The following MAEA variants were observed in gnomAD, a reference collection of about 807,000 sequenced individuals.
MAEA encodes E3 ubiquitin-protein transferase MAEA.
MAEA carries 22 observed loss-of-function variants against 46.2 expected under a neutral mutation model. The observed-to-expected ratio is 0.48, with a 90% CI of 0.34 to 0.68. The LOEUF (loss-of-function observed/expected upper bound fraction) is 0.68, where lower values mean the gene tolerates loss of function less well. Among genes scored for constraint, MAEA ranks in the 30% least tolerant of loss-of-function variants. The pLI, the probability that MAEA is intolerant of heterozygous loss-of-function variation, is 0.01. For missense variants in MAEA, 393 were observed against 558.1 expected (o/e 0.70, Z 2.98); for synonymous variants, 246 against 222.6 (o/e 1.11, Z -0.94).
At chr4:1,295,823 C>T (rs79289407) in intron 1 of MAEA, among the ~76,000 whole-genome samples, 977 of 54,344 alleles carry the variant, frequency 0.018, 122 homozygotes, top group East Asian at 0.17. Flanking sequence ...CCCTCACCCA[C>T]GCCTGTGCCC....
Position 1,291,719 on chromosome 4 carries a change from A to T in MAEA, c.69+1737A>T, listed in dbSNP as rs369753871. The stretch of plus-strand genomic sequence containing the variant: ...AAATCCTTTCATTGTGTATTGAAGG[A>T]ACTAGGAAGGGAGATGGAAGGTCTC... On this transcript the variant is annotated intron_variant, in intron 1 of 8. Transcript: ENST00000303400. Among the ~76,000 whole-genome samples, 30 of 152,344 alleles carry T rather than the reference A, an allele frequency of 2.0e-4. 2 individuals carry two copies. Among genetic ancestry groups the T allele is most frequent in the African/African-American group, 6.7e-4 (28 of 41,574 alleles).
At chr4:1,309,487 T>C in intron 1 of MAEA, 2 of 1,327,172 alleles carry the variant, frequency 1.5e-6, no homozygotes, top group Non-Finnish European at 1.9e-6. Context: ...GGAGCTGCTG[T>C]CTGGGTCAGC....
intron 3 of MAEA, among the ~76,000 whole-genome samples, chr4:1,317,687 C>T (rs1044103165): frequency 2.0e-5 from 3 of 152,150 alleles, no homozygotes; most frequent in African/African-American, 4.8e-5. Context: ...CTCTCGGCAC[C>T]GCTGGGGTAT....
chr4:1,292,822 G>A (rs1215337574), intron 1 of MAEA, among the ~76,000 whole-genome samples: 1 of 151,902 alleles, frequency 6.6e-6, no homozygotes, highest in Non-Finnish European at 1.5e-5. Context: ...TGCTGTGAAC[G>A]CCGTCCGGTG....
chr4:1,312,380 A>T, intron 2 of MAEA: 1 of 541,134 alleles, frequency 1.8e-6, no homozygotes, highest in Non-Finnish European at 3.3e-6. Context: ...GAGTGTCCAG[A>T]GTCCAGGCCA....
At position 1,311,742 on chromosome 4, in the gene MAEA, C is replaced by T. The variant is rs189973660; in HGVS notation, c.70-237C>T. 1.2e-4 allele frequency among the ~76,000 whole-genome samples: 19 copies of T among 152,320 alleles called. No individual in the cohort carries two copies. The East Asian group carries it at 3.7e-3, about 29-fold the overall frequency. On this transcript the variant is annotated intron_variant, in intron 1 of 8. Transcript: ENST00000303400. This position sits in a 1 kb window ranked among gnomAD's most constrained non-coding sequence, Gnocchi z 4.4. ...GGATTATTTTGTCAACATACACGTA[C>T]AATGTTTTTGGCAAAAATTGGGGTT...
intron 1 of MAEA, among the ~76,000 whole-genome samples, chr4:1,301,634 A>T (rs1560332594): frequency 6.6e-6 from 1 of 152,204 alleles, no homozygotes; most frequent in African/African-American, 2.4e-5. Context: ...CCAGGAGCTC[A>T]AGGCTGCAGT....
intron 3 of MAEA, among the ~76,000 whole-genome samples, chr4:1,317,572 C>T (rs1737454801): frequency 1.3e-5 from 2 of 152,038 alleles, no homozygotes; most frequent in South Asian, 4.1e-4. Flanking sequence ...GTCCGTCCTG[C>T]CCTCCAGGAG....
chr4:1,303,185 G>C (rs1207492013), intron 1 of MAEA, among the ~76,000 whole-genome samples: 1 of 135,712 alleles, frequency 7.4e-6, no homozygotes, highest in Non-Finnish European at 1.5e-5. Context: ...TCAGGAGATT[G>C]AGACCGTCCT....
intron 2 of MAEA, chr4:1,312,514 C>T (rs1207154919): frequency 4.5e-6 from 1 of 221,078 alleles, no homozygotes. Flanking sequence ...ACTGCAGCCT[C>T]CACCTCCGGG....
intron 2 of MAEA, among the ~76,000 whole-genome samples, chr4:1,314,248 A>T (rs1199444302): frequency 6.6e-6 from 1 of 151,478 alleles, no homozygotes; most frequent in East Asian, 1.9e-4. Flanking sequence ...AATCACTTGA[A>T]CCCAGGAGCT....
chr4:1,320,199 C>G (rs1737868476), intron 3 of MAEA, among the ~76,000 whole-genome samples: 1 of 93,482 alleles, frequency 1.1e-5, no homozygotes, highest in Non-Finnish European at 2.0e-5. Flanking sequence ...ATCATCAGAA[C>G]AAACGTGCAA....
At chr4:1,295,154 C>T (rs1734512054) in intron 1 of MAEA, among the ~76,000 whole-genome samples, 1 of 152,044 alleles carries the variant, frequency 6.6e-6, no homozygotes, top group Non-Finnish European at 1.5e-5. Context: ...CATGTGACTG[C>T]CCCGTCTGCA....
rs1188875688 is a variant in MAEA, at chr4:1,312,091, G to T, written c.182G>T (p.Cys61Phe). The change falls in exon 2 of 9, where the codon TGC (cysteine) becomes TTC (phenylalanine). Residue 61 changes from cysteine (C) to phenylalanine (F), a missense_variant. Physicochemically the swap from Cys to Phe is radical, Grantham distance 205. This residue lies in a region of MAEA where 358 missense variants were observed against 537.9 expected (regional missense o/e 0.67). Coordinates refer to ENST00000303400, the MANE Select transcript of MAEA (RefSeq NM_001017405.3). Reference protein sequence around the residue: ...VAELEKTLSGCPAVDSVVSLL... With the variant: ...VAELEKTLSGFPAVDSVVSLL... ...GAGCTGGAGAAGACGTTGAGCGGCTGCCCCGCCGTGGACTCCGTGGTCAGC... is the reference window on the plus strand; with the variant it reads ...GAGCTGGAGAAGACGTTGAGCGGCTTCCCCGCCGTGGACTCCGTGGTCAGC... The T allele has an allele frequency of 5.0e-6, 8 of 1,613,520 alleles. No homozygotes were observed. Among genetic ancestry groups the T allele is most frequent in the Non-Finnish European group, 5.9e-6 (7 of 1,180,034 alleles).
At position 1,334,553 on chromosome 4, in the gene MAEA, C is replaced by T. The variant is rs192248119; in HGVS notation, c.765+1688C>T. Among the ~76,000 whole-genome samples the T allele has an allele frequency of 6.2e-3, 947 of 152,346 alleles. 12 individuals are homozygous for T. Among genetic ancestry groups the T allele is most frequent in the Non-Finnish European group, 6.6e-3 (451 of 68,030 alleles). On this transcript the variant is annotated intron_variant, in intron 6 of 8. Transcript: ENST00000303400. ...TTGTTAGAAATGCAGGAAAGGCTGA[C>T]CCATACAGGGGGCTGAGACTTCGGG...
At position 1,339,192 on chromosome 4, in the gene MAEA, C is replaced by T; in HGVS notation, c.*23C>T. ...TAGGCCCCACGTCGTGAAGCGCACG[C>T]CTCGGGGACGGGCTGCAGTGGGCGG... On this transcript the variant is annotated 3_prime_UTR_variant, in exon 9 of 9. Coordinates refer to ENST00000303400, the MANE Select transcript of MAEA (RefSeq NM_001017405.3). 6.3e-7 allele frequency: 1 copy of T among 1,592,862 alleles called. No individual in the cohort carries two copies. Among genetic ancestry groups the T allele is most frequent in the Non-Finnish European group, 8.6e-7 (1 of 1,160,928 alleles).
chr4:1,321,172 A>G (rs1293902762), intron 3 of MAEA, among the ~76,000 whole-genome samples: 1 of 152,126 alleles, frequency 6.6e-6, no homozygotes, highest in African/African-American at 2.4e-5. Context: ...TCAACATGCA[A>G]GAAAACGCTA....
At chr4:1,321,060 A>G (rs987821084) in intron 3 of MAEA, among the ~76,000 whole-genome samples, 2 of 152,222 alleles carry the variant, frequency 1.3e-5, no homozygotes, top group African/African-American at 4.8e-5. Context: ...AGATTGCGCC[A>G]CTGCACTCCA....
chr4:1,317,371 T>C (rs1004508277), intron 3 of MAEA, among the ~76,000 whole-genome samples: 9 of 118,874 alleles, frequency 7.6e-5, no homozygotes, highest in Non-Finnish European at 1.2e-4. Context: ...TCCGGACTCA[T>C]CTGCAGGCCC....
Sources: gnomAD v4.1 joint callset for allele counts (sites outside exome capture counted in the v4.1 genomes callset) on GRCh38, gnomAD v4.1.1 for gene constraint, gnomAD v4.1.1 regional missense constraint, Gnocchi (gnomAD v3.1) non-coding constraint, MANE v1.5 for transcripts, NCBI Gene and HGNC (gene_info 2026-07-23, HGNC 2026-07-21) for gene names.